MEFV: variants seen among roughly 807,000 people sequenced by gnomAD.
The protein encoded by MEFV is pyrin.
In MEFV, 60 loss-of-function variants were observed where a neutral mutation model predicts 62.5. The ratio of observed to expected loss-of-function variants is 0.96; its 90% CI spans 0.78 to 1.19. MEFV has a LOEUF of 1.19. Ranked by LOEUF, MEFV falls within the 50% of genes most tolerant of loss-of-function variation. The pLI is 0.00. For missense variants in MEFV, 1,169 were observed against 1,004.5 expected, an observed-to-expected ratio of 1.16 and a Z score of -2.21; for synonymous variants, 500 against 415.2, an observed-to-expected ratio of 1.20 and a Z score of -2.48.
rs747816443 is a variant in MEFV, at chr16:3,254,432, C to T, written c.636G>A (p.Arg212=). 2 of 1,611,742 alleles carry T rather than the reference C, an allele frequency of 1.2e-6. No individual in the cohort carries two copies. Among genetic ancestry groups the T allele is most frequent in the South Asian group, 1.1e-5 (1 of 91,030 alleles). Residue 212 remains arginine (R), a synonymous_variant, in exon 2 of 10, where the codon AGG becomes AGA. Transcript: ENST00000219596. The stretch of plus-strand genomic sequence containing the variant: ...GGGCGCCCCCCGCCAGCCCCTGCAG[C>T]CTCCCCGCGGAGCTGGCGTTTCTGC... ...RLRRNASSAG[R]LQGLAGGAPG... is the part of the protein sequence containing the mutation.
chr16:3,246,141 C>T (rs1049275312), intron 6 of MEFV, among the ~76,000 whole-genome samples: 4 of 152,222 alleles, frequency 2.6e-5, no homozygotes, highest in African/African-American at 9.6e-5. Context: ...CCCTCCCCTT[C>T]CTGCTGGGCT....
chr16:3,243,258 G>C lies in MEFV; in HGVS notation c.2229C>G (p.Phe743Leu), dbSNP rs104895152. Residue 743 changes from phenylalanine to leucine, a missense_variant, in exon 10 of 10, where the codon TTC (phenylalanine) becomes TTG (leucine). By Grantham distance (22) the Phe-to-Leu change is conservative. Coordinates refer to ENST00000219596, the MANE Select transcript of MEFV (RefSeq NM_000243.3). ...NVTARSHIYTFASCSFSGPLQ... is the reference protein window; with the variant it reads ...NVTARSHIYTLASCSFSGPLQ... ...GGGGCCCAGAGAAAGAGCAGCTGGC[G>C]AATGTATAGATGTGGGATCTGGCTG... is the stretch of plus-strand genomic sequence containing the variant. 28 of 1,614,192 alleles carry C rather than the reference G, an allele frequency of 1.7e-5. No individual in the cohort carries two copies. The East Asian group carries it at 3.1e-4, about 18-fold the overall frequency.
intron 2 of MEFV, among the ~76,000 whole-genome samples, chr16:3,251,705 T>C (rs918042300): frequency 5.3e-5 from 8 of 152,142 alleles, no homozygotes; most frequent in Non-Finnish European, 8.8e-5. Context: ...GCTGTGAGGT[T>C]ATTGTGAGAG....
intron 1 of MEFV, 98 bp downstream of exon 1, chr16:3,256,213 C>T: frequency 7.1e-7 from 1 of 1,410,182 alleles, no homozygotes; most frequent in South Asian, 1.2e-5. Context: ...GACTCCCAAT[C>T]CCCAGGTCAG....
intron 1 of MEFV, among the ~76,000 whole-genome samples, chr16:3,255,019 T>C (rs1017857477): frequency 1.3e-5 from 2 of 152,132 alleles, no homozygotes; most frequent in Non-Finnish European, 2.9e-5. Context: ...CCGTCTCTAC[T>C]AAAAATACAA....
chr16:3,254,181 C>A lies in MEFV; in HGVS notation c.887G>T (p.Gly296Val). Residue 296 changes from glycine to valine, a missense_variant, in exon 2 of 10, where the codon GGA becomes GTA. Coordinates refer to ENST00000219596, the MANE Select transcript of MEFV (RefSeq NM_000243.3). ...GASADLKEGP[G>V]NPEHSVTGRP... ...ACCGGTGACCGAATGTTCTGGATTT[C>A]CAGGGCCTTCCTTCAGGTCCGCAGA... 1.2e-6 allele frequency: 2 copies of A among 1,614,250 alleles called. No homozygotes were observed. The highest frequency in any genetic ancestry group is 1.7e-6 in the Non-Finnish European group (2 of 1,180,042).
intron 4 of MEFV, chr16:3,248,651 G>T: frequency 9.2e-7 from 1 of 1,086,864 alleles, no homozygotes; most frequent in Non-Finnish European, 1.2e-6. Flanking sequence ...AGTAGTCACC[G>T]GCATAGGTTG....
chr16:3,254,931 C>T (rs1200925988), intron 1 of MEFV, 141 bp from the exon 2 acceptor site: 2 of 1,397,670 alleles, frequency 1.4e-6, no homozygotes, highest in African/African-American at 2.8e-5. Flanking sequence ...TGGCTCATGC[C>T]TGTATTCCCG....
chr16:3,255,794 G>C (rs1959108107), intron 1 of MEFV, among the ~76,000 whole-genome samples: 1 of 152,088 alleles, frequency 6.6e-6, no homozygotes, highest in Non-Finnish European at 1.5e-5. Flanking sequence ...GCAAAACCCA[G>C]ATTATACGCT....
At chr16:3,250,000 G>C (rs922024747) in intron 2 of MEFV, among the ~76,000 whole-genome samples, 1 of 152,234 alleles carries the variant, frequency 6.6e-6, no homozygotes, top group African/African-American at 2.4e-5. Flanking sequence ...ACATTCCTGA[G>C]CCTTGGAATT....
At chr16:3,244,671 C>A in intron 6 of MEFV, 83 bp from the exon 7 acceptor site, 2 of 1,015,590 alleles carry the variant, frequency 2.0e-6, no homozygotes, top group East Asian at 2.4e-5. Flanking sequence ...GAACTACATT[C>A]TCCACAGGGC....
chr16:3,243,372 G>A lies in MEFV; in HGVS notation c.2115C>T (p.Pro705=). The part of the protein sequence containing the change: ...KENEYQASSV[P]PTRLLIKEPP... ...GCTCCTTTATTAGCAGGCGGGTCGG[G>A]GGAACGCTGGACGCCTGGTACTCAT... Residue 705 remains proline, a synonymous_variant, in exon 10 of 10, where the codon CCC becomes CCT. Coordinates refer to ENST00000219596, the MANE Select transcript of MEFV (RefSeq NM_000243.3). The A allele has an allele frequency of 1.2e-6, 2 of 1,614,166 alleles. No individual in the cohort carries two copies. Among genetic ancestry groups the A allele is most frequent in the Non-Finnish European group, 1.7e-6 (2 of 1,180,048 alleles).
intron 3 of MEFV, 140 bp downstream of exon 3, chr16:3,249,291 G>T: frequency 2.4e-6 from 2 of 820,438 alleles, no homozygotes; most frequent in Middle Eastern, 3.5e-4. Flanking sequence ...TGCTGGACTG[G>T]TTTATATTGT....
chr16:3,249,630 CG>C lies in MEFV; in HGVS notation c.1060del (p.Arg354GlyfsTer14). 1 of 1,613,840 alleles carries C rather than the reference CG, an allele frequency of 6.2e-7. No homozygotes were observed. Among genetic ancestry groups the C allele is most frequent in the Non-Finnish European group, 8.5e-7 (1 of 1,179,846 alleles). On this transcript the variant is annotated frameshift_variant, in exon 3 of 10. Transcript: ENST00000219596. LOFTEE classifies it high-confidence loss of function. ...ASGSRSPGCPRCQDSHERKSP... is the reference protein window; with the variant it reads ...ASGSRSPGCPXCQDSHERKSP... ...CTTCCTTTCATGGGAGTCCTGGCAC[CG>C]GGGGCAGCCAGGTGAGCGGCTGCCT...
At chr16:3,244,123 A>T in intron 8 of MEFV, 131 bp downstream of exon 8, 1 of 1,556,814 alleles carries the variant, frequency 6.4e-7, no homozygotes. Context: ...GCCTGCCATG[A>T]CCTTTCTCCT....
Position 3,245,316 on chromosome 16 carries a change from AAAGG to A in MEFV, c.1611-732_1611-729del, listed in dbSNP as rs200365019. Among the ~76,000 whole-genome samples, 1,280 of 151,510 alleles carry A rather than the reference AAAGG, an allele frequency of 8.4e-3. 11 individuals carry two copies. The highest frequency in any genetic ancestry group is 0.029 in the African/African-American group (1,181 of 41,238). ...GAAGAAAAGAAAGGAAGGAAGGAAG[AAAGG>A]AAGGAAGGGAGGGAGGGAGGGAAGG... is the stretch of plus-strand genomic sequence containing the variant. On this transcript the variant is annotated intron_variant, in intron 6 of 9. Coordinates refer to ENST00000219596, the MANE Select transcript of MEFV (RefSeq NM_000243.3).
rs104895165 is a variant in MEFV at position 3,244,269 on chromosome 16, T to G, written c.1744A>C (p.Met582Leu). Residue 582 changes from methionine (M) to leucine (L), a missense_variant, in exon 8 of 10, where the codon ATG becomes CTG. Met to Leu is a conservative substitution (Grantham distance 15). Transcript: ENST00000219596. ...CTGGACTCACCATTGAACATTTCCA[T>G]TTCTGAACGCAGGGTTTCTAAAATG... ...KYFSETLRSE[M>L]EMFNVPELIG... is the part of the protein sequence containing the mutation. The G allele has an allele frequency of 1.3e-5, 21 of 1,613,936 alleles. No individual in the cohort carries two copies. Among genetic ancestry groups the G allele is most frequent in the Non-Finnish European group, 1.7e-5 (20 of 1,180,010 alleles).
chr16:3,254,332 T>C lies in MEFV; in HGVS notation c.736A>G (p.Thr246Ala). ...GGCGCCTTCTCCCCTGTAGAAATGG[T>C]GACCTCAAGGCTTCTAGGTCGCATC... ...GKMRPRSLEV[T>A]ISTGEKAPAN... The change falls in exon 2 of 10, where the codon ACC (threonine) becomes GCC (alanine). Residue 246 changes from threonine to alanine, a missense_variant. Coordinates refer to ENST00000219596, the MANE Select transcript of MEFV (RefSeq NM_000243.3). The C allele has an allele frequency of 6.2e-7, 1 of 1,614,240 alleles. No homozygotes were observed. Among genetic ancestry groups the C allele is most frequent in the Non-Finnish European group, 8.5e-7 (1 of 1,180,040 alleles).
In MEFV at chr16:3,254,742, G is replaced by A; in HGVS notation, c.326C>T (p.Ser109Phe). Residue 109 changes from serine (S) to phenylalanine (F), a missense_variant, in exon 2 of 10, where the codon TCC becomes TTC. Physicochemically the swap from Ser to Phe is radical, Grantham distance 155. Transcript: ENST00000219596. ...NGTDDSAASS[S>F]LGENKPRSLK... is the part of the protein sequence containing the mutation. ...GCTCCTGGGCTTGTTCTCCCCCAGGGAGCTGGACGCTGCGGAATCATCTGT... is the reference window on the plus strand; with the variant it reads ...GCTCCTGGGCTTGTTCTCCCCCAGGAAGCTGGACGCTGCGGAATCATCTGT... 2 of 1,612,820 alleles carry A rather than the reference G, an allele frequency of 1.2e-6. No individual in the cohort carries two copies. Among genetic ancestry groups the A allele is most frequent in the East Asian group, 4.5e-5 (2 of 44,882 alleles).
Sources: allele counts gnomAD v4.1 joint callset (sites outside exome capture counted in the v4.1 genomes callset), GRCh38; gene constraint gnomAD v4.1.1; transcripts MANE v1.5; gene names NCBI Gene and HGNC (gene_info 2026-07-23, HGNC 2026-07-21).